PUM1: variants seen among roughly 807,000 people sequenced by gnomAD.
PUM1 encodes pumilio RNA binding family member 1, also known as pumilio homolog 1.
PUM1 carries 13 observed loss-of-function variants against 131.8 expected under a neutral mutation model. The observed-to-expected ratio is 0.10, with a 90% CI of 0.06 to 0.16. The LOEUF (loss-of-function observed/expected upper bound fraction) is 0.16, where lower values mean the gene tolerates loss of function less well. Ranked by LOEUF, PUM1 falls within the 10% of genes least tolerant of loss-of-function variation. The pLI, the probability that PUM1 is intolerant of heterozygous loss-of-function variation, is 1.00. For missense variants in PUM1, 961 were observed against 1,512.4 expected (o/e 0.64, Z 6.05); for synonymous variants, 509 against 556.5 (o/e 0.91, Z 1.20).
chr1:31,064,087 A>G (rs527292839), intron 1 of PUM1, among the ~76,000 whole-genome samples: 1 of 152,362 alleles, frequency 6.6e-6, no homozygotes, highest in Admixed American at 6.5e-5. Context: ...AAATGTTTAC[A>G]AAGTTTTTTA....
intron 18 of PUM1, among the ~76,000 whole-genome samples, chr1:30,944,355 C>A (rs1639582031): frequency 6.6e-6 from 1 of 152,082 alleles, no homozygotes; most frequent in African/African-American, 2.4e-5. Context: ...ACTGTCCTGT[C>A]CCACCCACCT....
chr1:31,027,075 C>T (rs189538771), intron 3 of PUM1, among the ~76,000 whole-genome samples: 1 of 152,052 alleles, frequency 6.6e-6, no homozygotes, highest in East Asian at 1.9e-4. Context: ...TAAAATTAAG[C>T]ATTCAGTGAT....
chr1:30,985,600 C>T (rs1392074459), intron 7 of PUM1, among the ~76,000 whole-genome samples: 1 of 140,426 alleles, frequency 7.1e-6, no homozygotes, highest in South Asian at 2.2e-4. Flanking sequence ...TGAGGTGAGC[C>T]GAGATGGCCA....
chr1:30,994,951 A>G (rs1641929512), intron 6 of PUM1, 103 bp downstream of exon 6: 1 of 1,246,850 alleles, frequency 8.0e-7, no homozygotes, highest in Non-Finnish European at 1.1e-6. Context: ...TTAAAAAGAA[A>G]ACATGAAGAG....
At chr1:30,989,561 GACTCCGTCTCAAAAAAAAAAA>G (rs1020554484) in intron 7 of PUM1, among the ~76,000 whole-genome samples, 7 of 91,342 alleles carry the variant, frequency 7.7e-5, no homozygotes, top group Non-Finnish European at 1.2e-4. Context: ...AAAAGAGTGA[GACTCCGTCTCAAAAAAAAAAA>G]AAAAAAAAAA....
intron 11 of PUM1, among the ~76,000 whole-genome samples, chr1:30,967,712 A>G (rs779999420): frequency 3.9e-4 from 60 of 152,246 alleles, no homozygotes; most frequent in Non-Finnish European, 6.6e-4. Context: ...TATTGAATTC[A>G]TAAATGGCTC....
chr1:31,030,907 T>C (rs894207456), intron 2 of PUM1, among the ~76,000 whole-genome samples: 1 of 152,208 alleles, frequency 6.6e-6, no homozygotes, highest in African/African-American at 2.4e-5. Flanking sequence ...AGATTGGGAA[T>C]GCTCACTAAA....
chr1:30,990,812 A>T (rs968699881), intron 7 of PUM1, among the ~76,000 whole-genome samples: 1 of 152,218 alleles, frequency 6.6e-6, no homozygotes, highest in African/African-American at 2.4e-5. Context: ...CCTGAATCCA[A>T]CAAGAGATTA....
At chr1:31,064,362 C>G (rs1394912480) in intron 1 of PUM1, among the ~76,000 whole-genome samples, 2 of 152,070 alleles carry the variant, frequency 1.3e-5, no homozygotes, top group Non-Finnish European at 2.9e-5. Flanking sequence ...ATCCGGAGAG[C>G]GTTTCCCAAG....
chr1:30,971,673 T>C (rs545727673), intron 10 of PUM1, among the ~76,000 whole-genome samples: 1 of 152,312 alleles, frequency 6.6e-6, no homozygotes, highest in Non-Finnish European at 1.5e-5. Context: ...GGCACACAAA[T>C]TGTATTTCCT....
chr1:31,022,818 C>T (rs1407860400), intron 3 of PUM1, among the ~76,000 whole-genome samples: 1 of 151,976 alleles, frequency 6.6e-6, no homozygotes, highest in African/African-American at 2.4e-5. Flanking sequence ...AAAAAAATAC[C>T]CAAAAAACAT....
rs184626020 is a variant in PUM1 at position 31,012,980 on chromosome 1, T to C, written c.433-5878A>G. ...GACCTATTGTGTACAATGAAAGAGA[T>C]AACACATGTAATGACATAATACAAT... On this transcript the variant is annotated intron_variant, in intron 3 of 21. Transcript: ENST00000426105. Among the ~76,000 whole-genome samples, 6 of 152,316 alleles carry C rather than the reference T, an allele frequency of 3.9e-5. No homozygotes were observed. The East Asian group carries it at 1.2e-3, about 29-fold the overall frequency.
Position 30,941,143 on chromosome 1 carries a change from G to T in PUM1, c.3242+8C>A. 6.2e-7 allele frequency: 1 copy of T among 1,611,820 alleles called. No individual in the cohort carries two copies. On this transcript the variant is annotated splice_region_variant and intron_variant, in intron 20 of 21. Coordinates refer to ENST00000426105, the MANE Select transcript of PUM1 (RefSeq NM_001020658.2). ...TGGGAAATAGTCCTTGTAACTCAAAGCACGTACCTTGCAAATTTGTGCTGA... is the reference window on the plus strand; with the variant it reads ...TGGGAAATAGTCCTTGTAACTCAAATCACGTACCTTGCAAATTTGTGCTGA...
chr1:30,942,699 TA>T (rs1639506222), intron 18 of PUM1, among the ~76,000 whole-genome samples: 1 of 152,140 alleles, frequency 6.6e-6, no homozygotes, highest in Admixed American at 6.6e-5. Flanking sequence ...AGAACAATAA[TA>T]AGAGCAATAA....
chr1:31,042,499 T>A (rs1643854124), intron 2 of PUM1, among the ~76,000 whole-genome samples: 1 of 152,150 alleles, frequency 6.6e-6, no homozygotes, highest in Admixed American at 6.6e-5. Context: ...ATAATTTCGA[T>A]TTCCAAGGTC....
chr1:31,043,702 G>T (rs1643891732), intron 2 of PUM1, among the ~76,000 whole-genome samples: 1 of 152,148 alleles, frequency 6.6e-6, no homozygotes, highest in South Asian at 2.1e-4. Context: ...GTTCTCTACA[G>T]TTTAAGCACT....
chr1:30,961,307 C>T (rs140171989), intron 14 of PUM1, among the ~76,000 whole-genome samples: 16 of 147,358 alleles, frequency 1.1e-4, no homozygotes, highest in Admixed American at 5.5e-4. Context: ...GCCCGGAGTT[C>T]GAGACCACCC....
rs534960768 is a variant in PUM1 at position 30,974,573 on chromosome 1, T to C, written c.1506+78A>G. ...TTCATGCATTCACAGTGTTTTTCTA[T>C]TAGGCGCAATATTACCTATTAATTA... On this transcript the variant is annotated intron_variant, in intron 10 of 21. Coordinates refer to ENST00000426105, the MANE Select transcript of PUM1 (RefSeq NM_001020658.2). 13 of 1,374,422 alleles carry C rather than the reference T, an allele frequency of 9.5e-6. No individual in the cohort carries two copies. The African/African-American group carries it at 1.5e-4, about 15-fold the overall frequency. The allele number at this position is 1,374,422 out of a possible 1,614,324, so 85.1% of individuals were successfully genotyped here.
intron 3 of PUM1, among the ~76,000 whole-genome samples, chr1:31,012,548 A>T (rs1642659526): frequency 9.1e-6 from 1 of 110,266 alleles, no homozygotes; most frequent in South Asian, 3.8e-4. Flanking sequence ...AAACTTATGA[A>T]AAGTAAAAAA....
Sources: allele counts gnomAD v4.1 joint callset (sites outside exome capture counted in the v4.1 genomes callset), GRCh38; gene constraint gnomAD v4.1.1; transcripts MANE v1.5; gene names NCBI Gene and HGNC (gene_info 2026-07-23, HGNC 2026-07-21).